Variants in CNTNAP2 observed in about 807,000 individuals in gnomAD.
CNTNAP2 encodes contactin associated protein 2, also known as contactin-associated protein-like 2.
A neutral mutation model predicts 155.2 loss-of-function variants in CNTNAP2; 98 were observed. That is an observed-to-expected ratio of 0.63 (90% confidence interval 0.54 to 0.75). CNTNAP2 has a LOEUF of 0.75. Among genes scored for constraint, CNTNAP2 ranks in the 30% least tolerant of loss-of-function variants. The pLI is 0.00. For missense variants in CNTNAP2, 1,727 were observed against 1,688.1 expected (o/e 1.02, Z -0.40); for synonymous variants, 651 against 631.2 (o/e 1.03, Z -0.47).
At chr7:147,399,528 G>T (rs369824521) in intron 10 of CNTNAP2, among the ~76,000 whole-genome samples, 2 of 152,138 alleles carry the variant, frequency 1.3e-5, no homozygotes, top group South Asian at 4.1e-4. Context: ...AAATCCAAAT[G>T]ATTTGCTAAG....
chr7:147,151,455 G>C (rs1449011495), intron 8 of CNTNAP2, among the ~76,000 whole-genome samples: 1 of 151,934 alleles, frequency 6.6e-6, no homozygotes, highest in Admixed American at 6.6e-5. Context: ...AAAACAAATA[G>C]CCAAATATAA....
At chr7:146,993,755 A>C (rs141831235) in intron 3 of CNTNAP2, among the ~76,000 whole-genome samples, 1 of 152,254 alleles carries the variant, frequency 6.6e-6, no homozygotes, top group East Asian at 1.9e-4. Context: ...AGCTTTTTTA[A>C]TACCTTATTA....
chr7:146,684,790 T>C (rs1203497054), intron 1 of CNTNAP2, among the ~76,000 whole-genome samples: 2 of 152,108 alleles, frequency 1.3e-5, no homozygotes, highest in East Asian at 3.9e-4. Context: ...CCGAGGTTTG[T>C]TTTCAAAGAA....
At chr7:147,633,777 C>A (rs1006131274) in intron 12 of CNTNAP2, among the ~76,000 whole-genome samples, 2 of 152,118 alleles carry the variant, frequency 1.3e-5, no homozygotes, top group African/African-American at 4.8e-5. Context: ...TGAAGAGGTG[C>A]CTTCTGCCAT....
chr7:146,973,675 T>C (rs10952664), intron 3 of CNTNAP2, among the ~76,000 whole-genome samples: 38,651 of 152,096 alleles, frequency 0.25, 5,587 homozygotes, highest in Non-Finnish European at 0.32. Context: ...AAAGGCATGA[T>C]ATGTGAACAC....
chr7:146,422,114 C>A (rs1335234518), intron 1 of CNTNAP2, among the ~76,000 whole-genome samples: 3 of 150,984 alleles, frequency 2.0e-5, no homozygotes, highest in African/African-American at 7.3e-5. Flanking sequence ...ATCTCAATAG[C>A]TTTTGGGATA....
intron 1 of CNTNAP2, among the ~76,000 whole-genome samples, chr7:146,312,194 G>A (rs1319495776): frequency 6.6e-6 from 1 of 152,124 alleles, no homozygotes; most frequent in Non-Finnish European, 1.5e-5. Flanking sequence ...TCTCATTGAG[G>A]AACTTCCTGA....
At chr7:147,460,020 A>G (rs567792984) in intron 10 of CNTNAP2, among the ~76,000 whole-genome samples, 1 of 152,248 alleles carries the variant, frequency 6.6e-6, no homozygotes, top group Admixed American at 6.5e-5. Context: ...GCGGAATAGC[A>G]TTAGGAGAAA....
rs151203126 is a variant in CNTNAP2, at chr7:148,020,091, T to A, written c.2383+42102T>A. Among the ~76,000 whole-genome samples the A allele has an allele frequency of 2.4e-4, 36 of 152,260 alleles. 1 individual carries two copies. The East Asian group carries it at 6.8e-3, about 29-fold the overall frequency. On this transcript the variant is annotated intron_variant, in intron 15 of 23. Coordinates refer to ENST00000361727, the MANE Select transcript of CNTNAP2 (RefSeq NM_014141.6). ...CATGAGCCACCACACCTGGCCAGAG[T>A]ATTATTTAATTCTCTGAGTAACCAG... is the stretch of plus-strand genomic sequence containing the variant.
At chr7:147,533,767 C>G (rs767618779) in intron 11 of CNTNAP2, among the ~76,000 whole-genome samples, 1 of 150,626 alleles carries the variant, frequency 6.6e-6, no homozygotes. Flanking sequence ...AGCAGACCAA[C>G]AGGGCATTGG....
rs55694542 is a variant in CNTNAP2 at position 147,094,399 on chromosome 7, CTTTTTT to C, written c.551-13737_551-13732del. On this transcript the variant is annotated intron_variant, in intron 4 of 23. Coordinates refer to ENST00000361727, the MANE Select transcript of CNTNAP2 (RefSeq NM_014141.6). ...ATGTAGCCTTTTATTATTATTATTC[CTTTTTT>C]TTTTTTTTTTCTTTTGGAGAAGGAG... Among the ~76,000 whole-genome samples the C allele has an allele frequency of 4.2e-3, 561 of 132,958 alleles. 5 individuals are homozygous for C. Among genetic ancestry groups the C allele is most frequent in the African/African-American group, 0.014 (512 of 35,434 alleles). 87.2% of individuals were successfully genotyped at this position (132,958 alleles called of 152,430 possible). A position where few individuals can be genotyped will look rare whatever the true frequency, so the allele number is the denominator to read the frequency against.
At chr7:147,539,230 T>C (rs1400246267) in intron 11 of CNTNAP2, among the ~76,000 whole-genome samples, 2 of 152,138 alleles carry the variant, frequency 1.3e-5, no homozygotes, top group African/African-American at 2.4e-5. Flanking sequence ...CTTGGGAAGA[T>C]AATAGCTAGC....
chr7:146,196,041 CTT>C lies in CNTNAP2; in HGVS notation c.97+79070_97+79071del, dbSNP rs370049200. 6.4e-4 allele frequency among the ~76,000 whole-genome samples: 98 copies of C among 152,240 alleles called. 1 individual carries two copies. Among genetic ancestry groups the C allele is most frequent in the African/African-American group, 2.1e-3 (89 of 41,546 alleles). ...CTTGCCATGTGAGTTGTCTTGGTCT[CTT>C]TGTTTTTACAAAGTTTGACTTCTGC... is the stretch of plus-strand genomic sequence containing the variant. On this transcript the variant is annotated intron_variant, in intron 1 of 23. Coordinates refer to ENST00000361727, the MANE Select transcript of CNTNAP2 (RefSeq NM_014141.6).
rs1038185183 is a variant in CNTNAP2, at chr7:146,477,678, T to A, written c.98-296593T>A. On this transcript the variant is annotated intron_variant, in intron 1 of 23. Coordinates refer to ENST00000361727, the MANE Select transcript of CNTNAP2 (RefSeq NM_014141.6). The stretch of plus-strand genomic sequence containing the variant: ...ACACACACACACACACACACACATC[T>A]TCTGGATTGTATACTAAAAATTTAT... 5.5e-5 allele frequency among the ~76,000 whole-genome samples: 8 copies of A among 145,524 alleles called. No homozygotes were observed. In the South Asian group the frequency reaches 6.8e-4, roughly 12 times the overall value.
At chr7:146,932,526 C>A (rs1053220850) in intron 3 of CNTNAP2, among the ~76,000 whole-genome samples, 12 of 152,214 alleles carry the variant, frequency 7.9e-5, no homozygotes, top group African/African-American at 2.7e-4. Flanking sequence ...AAAACTGGCA[C>A]AAGACAGGGA....
chr7:147,285,912 ACT>A (rs1332030686), intron 8 of CNTNAP2, among the ~76,000 whole-genome samples: 1 of 151,936 alleles, frequency 6.6e-6, no homozygotes, highest in Non-Finnish European at 1.5e-5. Context: ...TCTCAGCTAC[ACT>A]CTGTCTTCCC....
At chr7:147,677,466 G>A (rs181484541) in intron 13 of CNTNAP2, among the ~76,000 whole-genome samples, 1 of 151,922 alleles carries the variant, frequency 6.6e-6, no homozygotes, top group East Asian at 1.9e-4. Flanking sequence ...CATTCTGTAG[G>A]TTTTCTCTTT....
At chr7:147,871,372 A>G (rs930011050) in intron 13 of CNTNAP2, among the ~76,000 whole-genome samples, 1 of 152,176 alleles carries the variant, frequency 6.6e-6, no homozygotes, top group Admixed American at 6.5e-5. Context: ...TGCCCCAGAT[A>G]TTTTACTGGG....
chr7:147,563,564 G>A (rs183721383), intron 12 of CNTNAP2, among the ~76,000 whole-genome samples: 55 of 152,076 alleles, frequency 3.6e-4, no homozygotes, highest in Middle Eastern at 3.4e-3. Context: ...TGGAGGAGGA[G>A]GTTGTAGTGA....
Sources: gnomAD v4.1 joint callset for allele counts (sites outside exome capture counted in the v4.1 genomes callset) on GRCh38, gnomAD v4.1.1 for gene constraint, MANE v1.5 for transcripts, NCBI Gene and HGNC (gene_info 2026-07-23, HGNC 2026-07-21) for gene names.